GFRA2: variants seen among roughly 807,000 people sequenced by gnomAD.
GFRA2 encodes GDNF family receptor alpha-2.
GFRA2 carries 17 observed loss-of-function variants against 48.3 expected under a neutral mutation model. That is an observed-to-expected ratio of 0.35 (90% CI 0.24 to 0.53). GFRA2 has a LOEUF of 0.53. GFRA2 is among the 20% of genes least tolerant of loss of function. The pLI is 0.93. For missense variants in GFRA2, 660 were observed against 637.3 expected (o/e 1.04, Z -0.38); for synonymous variants, 305 against 257.2 (o/e 1.19, Z -1.78).
intron 2 of GFRA2, among the ~76,000 whole-genome samples, chr8:21,776,834 C>G (rs765165158): frequency 1.3e-5 from 2 of 152,066 alleles, no homozygotes; most frequent in Non-Finnish European, 2.9e-5. Flanking sequence ...GGGCCCCTGT[C>G]CAGCCTGGAT....
intron 2 of GFRA2, among the ~76,000 whole-genome samples, chr8:21,794,760 C>T (rs1336396884): frequency 6.6e-6 from 1 of 152,080 alleles, no homozygotes; most frequent in Non-Finnish European, 1.5e-5. Context: ...CGCCAACATC[C>T]CCTCCACACT....
At chr8:21,694,376 AG>A in intron 8 of GFRA2, 87 bp downstream of exon 8, 1 of 1,264,456 alleles carries the variant, frequency 7.9e-7, no homozygotes. Context: ...ATGAGATTTG[AG>A]GGCGCTGGAT....
chr8:21,744,869 G>A (rs1466920062), intron 4 of GFRA2, among the ~76,000 whole-genome samples: 2 of 152,118 alleles, frequency 1.3e-5, no homozygotes, highest in Non-Finnish European at 1.5e-5. Context: ...ATAAGCCAAG[G>A]TTCCTGAGAT....
chr8:21,802,590 A>T (rs1043125533), intron 2 of GFRA2, among the ~76,000 whole-genome samples: 3 of 152,148 alleles, frequency 2.0e-5, no homozygotes, highest in Non-Finnish European at 4.4e-5. Context: ...CCTGGGCTCA[A>T]GCGATCCTCC....
At chr8:21,731,239 CCACT>C (rs1198211667) in intron 4 of GFRA2, among the ~76,000 whole-genome samples, 4 of 152,130 alleles carry the variant, frequency 2.6e-5, no homozygotes, top group East Asian at 1.9e-4. Flanking sequence ...ATAACCCCAC[CCACT>C]GAGACCAAAT....
intron 4 of GFRA2, among the ~76,000 whole-genome samples, chr8:21,715,466 G>A (rs920179272): frequency 1.3e-5 from 2 of 152,114 alleles, no homozygotes; most frequent in African/African-American, 4.8e-5. Context: ...GCACCACCAC[G>A]CATGGCTAAT....
intron 4 of GFRA2, among the ~76,000 whole-genome samples, chr8:21,724,466 A>G (rs1287961897): frequency 6.6e-6 from 1 of 152,054 alleles, no homozygotes; most frequent in African/African-American, 2.4e-5. Flanking sequence ...TAATAGGAGG[A>G]CTATTCCTTG....
intron 1 of GFRA2, among the ~76,000 whole-genome samples, chr8:21,783,711 C>T (rs1006752865): frequency 4.3e-4 from 66 of 152,088 alleles, no homozygotes; most frequent in African/African-American, 1.5e-3. Flanking sequence ...ACAAGTTCCG[C>T]CCCGGCCCCC....
chr8:21,744,550 AACACACACACACACAC>A lies in GFRA2; in HGVS notation c.794+6022_794+6037del, dbSNP rs71721911. 1.2e-3 allele frequency among the ~76,000 whole-genome samples: 169 copies of A among 140,226 alleles called. 3 individuals are homozygous for A. The highest frequency in any genetic ancestry group is 4.9e-4 in the Admixed American group (7 of 14,414). The allele number at this position is 140,226 out of a possible 152,430, so 92.0% of individuals were successfully genotyped here. On this transcript the variant is annotated intron_variant, in intron 4 of 8. Coordinates refer to ENST00000524240, the MANE Select transcript of GFRA2 (RefSeq NM_001495.5). Reference sequence around the variant, plus strand: ...CTCCCACGACCCCCCAACCACCACCAACACACACACACACACACACACACACACACACACACAATCT... The same window carrying A: ...CTCCCACGACCCCCCAACCACCACCAACACACACACACACACACACAATCT...
At chr8:21,733,947 C>T (rs1400403901) in intron 4 of GFRA2, among the ~76,000 whole-genome samples, 1 of 152,208 alleles carries the variant, frequency 6.6e-6, no homozygotes, top group Non-Finnish European at 1.5e-5. Flanking sequence ...TCTTTCCCCT[C>T]CTTCCTGCCA....
At chr8:21,807,278 C>T (rs953570774) in intron 1 of GFRA2, among the ~76,000 whole-genome samples, 42 of 152,110 alleles carry the variant, frequency 2.8e-4, no homozygotes, top group African/African-American at 9.9e-4. Context: ...TAAGTAAGTT[C>T]GGCCACCTCT....
chr8:21,728,384 C>T (rs892369718), intron 4 of GFRA2, among the ~76,000 whole-genome samples: 4 of 145,336 alleles, frequency 2.8e-5, no homozygotes, highest in African/African-American at 1.0e-4. Flanking sequence ...AAGCAATTCT[C>T]CTGCCTTAGC....
chr8:21,771,437 A>C (rs1375257386), intron 3 of GFRA2, among the ~76,000 whole-genome samples: 1 of 152,160 alleles, frequency 6.6e-6, no homozygotes, highest in African/African-American at 2.4e-5. Flanking sequence ...GGACACAGCC[A>C]CACTGCTCCC....
At chr8:21,757,328 C>A (rs957636060) in intron 3 of GFRA2, among the ~76,000 whole-genome samples, 6 of 152,162 alleles carry the variant, frequency 3.9e-5, no homozygotes, top group Non-Finnish European at 7.4e-5. Flanking sequence ...ACACTGGAAG[C>A]CCCCACCCCC....
At position 21,788,390 on chromosome 8, in the gene GFRA2, C is replaced by A. The variant is rs1017979861; in HGVS notation, c.-231G>T. On this transcript the variant is annotated 5_prime_UTR_variant, in exon 1 of 9. Transcript: ENST00000524240. ...CTGCTGCCTCTCGACGCCCCCCTTG[C>A]CCGCTACAATCAAATATACGCGTAT... is the stretch of plus-strand genomic sequence containing the variant. 2 of 1,338,886 alleles carry A rather than the reference C, an allele frequency of 1.5e-6. No individual in the cohort carries two copies. The highest frequency in any genetic ancestry group is 1.9e-6 in the Non-Finnish European group (2 of 1,050,046). The allele number at this position is 1,338,886 out of a possible 1,614,324, so 82.9% of individuals were successfully genotyped here.
At chr8:21,793,464 C>T (rs570320369), upstream of GFRA2, among the ~76,000 whole-genome samples, 61 of 152,206 alleles carry the variant, frequency 4.0e-4, no homozygotes, top group South Asian at 0.011. Context: ...CAGGCCAAGA[C>T]AAAGTGACCA....
intron 1 of GFRA2, among the ~76,000 whole-genome samples, chr8:21,786,458 G>A (rs1807273340): frequency 2.0e-5 from 3 of 152,206 alleles, no homozygotes. Flanking sequence ...GATCATGCTT[G>A]GACCCAGAAG....
At chr8:21,782,517 G>C (rs1807044214) in intron 2 of GFRA2, 68 bp downstream of exon 2, 1 of 1,223,088 alleles carries the variant, frequency 8.2e-7, no homozygotes, top group Non-Finnish European at 1.1e-6. Context: ...CTGAACCCCT[G>C]GCCCGCCACA....
chr8:21,705,235 T>C, intron 5 of GFRA2, 110 bp from the exon 6 acceptor site: 1 of 1,090,212 alleles, frequency 9.2e-7, no homozygotes, highest in African/African-American at 1.6e-5. Flanking sequence ...ACCCATCCTC[T>C]GACCTGGCCC....
Sources: gnomAD v4.1 joint callset for allele counts (sites outside exome capture counted in the v4.1 genomes callset) on GRCh38, gnomAD v4.1.1 for gene constraint, MANE v1.5 for transcripts, NCBI Gene and HGNC (gene_info 2026-07-23, HGNC 2026-07-21) for gene names.